KLRG1: variants seen among roughly 807,000 people sequenced by gnomAD.
KLRG1 encodes the protein killer cell lectin-like receptor subfamily G member 1.
In KLRG1, 16 loss-of-function variants were observed where a neutral mutation model predicts 21.8. The ratio of observed to expected loss-of-function variants is 0.73; its 90% CI spans 0.50 to 1.11. KLRG1 has a LOEUF of 1.11. KLRG1 is among the 50% of genes most tolerant of loss of function. The pLI is 0.00. For missense variants in KLRG1, 173 were observed against 218.3 expected, an observed-to-expected ratio of 0.79 and a Z score of 1.31; for synonymous variants, 69 against 75.9, an observed-to-expected ratio of 0.91 and a Z score of 0.47.
the KLRG1 span, among the ~76,000 whole-genome samples, chr12:9,207,779 G>C: frequency 6.6e-6 from 1 of 152,210 alleles, no homozygotes; most frequent in African/African-American, 2.4e-5. Flanking sequence ...CAATTATTGA[G>C]TTGTACCAAC....
intron 1 of KLRG1, among the ~76,000 whole-genome samples, chr12:8,973,859 A>G (rs1946612092): frequency 6.6e-6 from 1 of 152,050 alleles, no homozygotes. Context: ...TCCTTTTCAG[A>G]TAGTTCATTG....
the KLRG1 span, among the ~76,000 whole-genome samples, chr12:9,057,069 A>G: frequency 3.3e-5 from 5 of 152,204 alleles, no homozygotes; most frequent in African/African-American, 7.2e-5. Context: ...TTACATATCA[A>G]TATACATGTA....
chr12:9,069,954 T>C, the KLRG1 span: 1 of 673,612 alleles, frequency 1.5e-6, no homozygotes, highest in Non-Finnish European at 2.6e-6. Flanking sequence ...TATAATGTAA[T>C]ACAATTAAAA....
the KLRG1 span, among the ~76,000 whole-genome samples, chr12:9,023,445 A>G: frequency 6.6e-6 from 1 of 152,170 alleles, no homozygotes; most frequent in Non-Finnish European, 1.5e-5. Context: ...GTATGTTGTT[A>G]AGGAAATCTT....
At chr12:9,181,104 CTT>C in the KLRG1 span, 1 of 1,614,136 alleles carries the variant, frequency 6.2e-7, no homozygotes, top group Non-Finnish European at 8.5e-7. Context: ...GGCTGGGGGA[CTT>C]TGTGCTGGGC....
the KLRG1 span, among the ~76,000 whole-genome samples, chr12:9,183,573 A>G: frequency 1.4e-4 from 21 of 151,998 alleles, no homozygotes; most frequent in African/African-American, 3.9e-4. Context: ...CTAATTTTTT[A>G]TATATTTTTG....
At chr12:9,008,426 C>T (rs1044725762) in intron 3 of KLRG1, among the ~76,000 whole-genome samples, 4 of 152,204 alleles carry the variant, frequency 2.6e-5, no homozygotes, top group African/African-American at 9.6e-5. Context: ...CTACAGCTAA[C>T]ACATCTTTAG....
chr12:9,038,904 A>AG, the KLRG1 span, among the ~76,000 whole-genome samples: 1 of 9,396 alleles, frequency 1.1e-4, no homozygotes, highest in Admixed American at 1.7e-3. Context: ...ACTCTGTCTC[A>AG]AAAAAAAAAA....
chr12:9,190,852 C>T, the KLRG1 span, among the ~76,000 whole-genome samples: 1 of 152,034 alleles, frequency 6.6e-6, no homozygotes, highest in Non-Finnish European at 1.5e-5. Flanking sequence ...GGAAGCTCAA[C>T]TTGGACAATT....
At chr12:9,150,698 G>A in the KLRG1 span, 1 of 1,613,150 alleles carries the variant, frequency 6.2e-7, no homozygotes. Context: ...TCTCCTACTG[G>A]GATGTCTTGC....
the KLRG1 span, among the ~76,000 whole-genome samples, chr12:9,034,655 C>T: frequency 4.6e-5 from 7 of 152,140 alleles, no homozygotes; most frequent in Non-Finnish European, 1.0e-4. Context: ...TCATGTTGGC[C>T]AGGCTGGTCT....
At chr12:9,136,089 C>T in the KLRG1 span, among the ~76,000 whole-genome samples, 2 of 152,172 alleles carry the variant, frequency 1.3e-5, no homozygotes, top group African/African-American at 4.8e-5. Context: ...AGCTAGCAAA[C>T]ATGACCTGGG....
chr12:9,085,396 A>T, the KLRG1 span, among the ~76,000 whole-genome samples: 4 of 152,292 alleles, frequency 2.6e-5, no homozygotes, highest in African/African-American at 9.6e-5. Context: ...AAATTAAATG[A>T]CATGCTCCTG....
intron 1 of KLRG1, among the ~76,000 whole-genome samples, chr12:8,958,949 T>C (rs1946340077): frequency 6.6e-6 from 1 of 152,184 alleles, no homozygotes; most frequent in South Asian, 2.1e-4. Context: ...ATGTTGAGTC[T>C]TATAATTCAT....
the KLRG1 span, among the ~76,000 whole-genome samples, chr12:9,190,609 T>C: frequency 6.6e-6 from 1 of 152,120 alleles, no homozygotes; most frequent in African/African-American, 2.4e-5. Context: ...GCTTAGAACC[T>C]GGGTAACGAA....
the KLRG1 span, among the ~76,000 whole-genome samples, chr12:9,031,394 GGGAGGTCTGGGGCTCAGGA>G: frequency 1.3e-5 from 2 of 152,198 alleles, no homozygotes; most frequent in Non-Finnish European, 2.9e-5. Context: ...GTCAAACAAA[GGGAGGTCTGGGGCTCAGGA>G]GGACTTACCC....
the KLRG1 span, chr12:9,157,178 C>G: frequency 1.2e-6 from 2 of 1,612,962 alleles, no homozygotes; most frequent in Non-Finnish European, 1.7e-6. Context: ...CTCTCACCTT[C>G]TTTCACAGCT....
At chr12:9,101,452 A>G in the KLRG1 span, 1 of 1,611,606 alleles carries the variant, frequency 6.2e-7, no homozygotes, top group Non-Finnish European at 8.5e-7. Flanking sequence ...CTCACCAGAT[A>G]ATAGAAGGAG....
At chr12:8,991,743 A>C (rs1238772830) in intron 1 of KLRG1, among the ~76,000 whole-genome samples, 1 of 152,188 alleles carries the variant, frequency 6.6e-6, no homozygotes, top group Non-Finnish European at 1.5e-5. Flanking sequence ...TTACTGATAG[A>C]ATGTAGATTG....
Sources: allele counts gnomAD v4.1 joint callset (sites outside exome capture counted in the v4.1 genomes callset), GRCh38; gene constraint gnomAD v4.1.1; transcripts MANE v1.5; gene names NCBI Gene and HGNC (gene_info 2026-07-23, HGNC 2026-07-21).